The following PHF24 variants were observed in gnomAD, a reference collection of about 807,000 sequenced individuals.
The protein encoded by PHF24 is PHD finger protein 24.
A neutral mutation model predicts 42.6 loss-of-function variants in PHF24; 25 were observed. The observed-to-expected ratio is 0.59, with a 90% CI of 0.43 to 0.82. PHF24 has a LOEUF of 0.82. Ranked by LOEUF, PHF24 falls within the 40% of genes least tolerant of loss-of-function variation. The probability of loss-of-function intolerance (pLI) is 0.00; values close to 1 mark genes in which losing one functional copy is unlikely to be tolerated. For synonymous variants in PHF24, 185 were observed against 204.8 expected (o/e 0.90, Z 0.83); for missense variants, 470 against 538.1 (o/e 0.87, Z 1.25).
At chr9:34,863,617 T>A in the PHF24 span, among the ~76,000 whole-genome samples, 4,482 of 152,278 alleles carry the variant, frequency 0.029, 117 homozygotes, top group African/African-American at 0.06. Context: ...CAGATAGAGC[T>A]TAGATCACAA....
the PHF24 span, among the ~76,000 whole-genome samples, chr9:34,768,353 A>C: frequency 5.9e-5 from 9 of 152,326 alleles, no homozygotes; most frequent in African/African-American, 2.2e-4. Flanking sequence ...TCTTTTCTGG[A>C]AAGTTACAGC....
intron 1 of PHF24, among the ~76,000 whole-genome samples, chr9:34,971,000 C>T (rs1044111643): frequency 1.3e-5 from 2 of 152,072 alleles, no homozygotes; most frequent in Admixed American, 6.5e-5. Context: ...CCTGTGATCC[C>T]AGCTACTTAG....
chr9:34,728,020 A>T, the PHF24 span: 1 of 1,551,984 alleles, frequency 6.4e-7, no homozygotes, highest in Non-Finnish European at 8.7e-7. Flanking sequence ...GCAATAGATC[A>T]CCTTTTAATG....
the PHF24 span, among the ~76,000 whole-genome samples, chr9:34,825,103 C>G: frequency 4.0e-5 from 6 of 149,758 alleles, no homozygotes; most frequent in African/African-American, 1.5e-4. Context: ...GGAACCAGGA[C>G]CTGGTTCTTC....
rs1430718694 is a variant in PHF24, at chr9:34,966,684, T to G, written c.-4-4611T>G. Among the ~76,000 whole-genome samples the G allele has an allele frequency of 4.6e-5, 7 of 152,264 alleles. No homozygotes were observed. In the East Asian group the frequency reaches 1.4e-3, roughly 29 times the overall value. On this transcript the variant is annotated intron_variant, in intron 1 of 7. Transcript: ENST00000242315. ...TATTCAGTAATTTCCCTATTGAGGTTGTTTCCACCTTTTTTCTTTTTTAAG... is the reference window on the plus strand; with the variant it reads ...TATTCAGTAATTTCCCTATTGAGGTGGTTTCCACCTTTTTTCTTTTTTAAG...
the PHF24 span, among the ~76,000 whole-genome samples, chr9:34,826,254 T>C: frequency 9.7e-4 from 148 of 152,328 alleles, no homozygotes; most frequent in Non-Finnish European, 1.6e-3. Flanking sequence ...TTTGTGTCCC[T>C]AAGCACTTTA....
the PHF24 span, among the ~76,000 whole-genome samples, chr9:34,850,114 C>T: frequency 2.5e-3 from 374 of 152,242 alleles, 2 homozygotes; most frequent in African/African-American, 7.6e-3. Flanking sequence ...ATCTTTATCG[C>T]GTTCTCTGTA....
chr9:34,918,165 CAGG>C, the PHF24 span: 7 of 1,497,832 alleles, frequency 4.7e-6, no homozygotes, highest in Non-Finnish European at 6.5e-6. Flanking sequence ...GACTGTCGGC[CAGG>C]AGAAGAAGGG....
chr9:34,870,370 T>G, the PHF24 span, among the ~76,000 whole-genome samples: 1 of 152,156 alleles, frequency 6.6e-6, no homozygotes. Context: ...TAGTATCATG[T>G]AGAATAGTTT....
At chr9:34,931,587 A>T in the PHF24 span, among the ~76,000 whole-genome samples, 1 of 152,100 alleles carries the variant, frequency 6.6e-6, no homozygotes, top group African/African-American at 2.4e-5. Context: ...AACAAAAATA[A>T]AAAATAAATA....
At chr9:34,770,663 T>C in the PHF24 span, among the ~76,000 whole-genome samples, 1 of 151,750 alleles carries the variant, frequency 6.6e-6, no homozygotes, top group Non-Finnish European at 1.5e-5. Flanking sequence ...CAGAAAGATA[T>C]AGAAGAAAAG....
chr9:34,738,869 G>C, the PHF24 span, among the ~76,000 whole-genome samples: 1 of 152,196 alleles, frequency 6.6e-6, no homozygotes, highest in Non-Finnish European at 1.5e-5. Flanking sequence ...TTGTGGTCCT[G>C]AGGTGATGGG....
At chr9:34,667,376 A>G in the PHF24 span, among the ~76,000 whole-genome samples, 1 of 152,078 alleles carries the variant, frequency 6.6e-6, no homozygotes, top group African/African-American at 2.4e-5. Flanking sequence ...GAGAGCAGAC[A>G]GAGAGATCCA....
chr9:34,905,311 C>G, the PHF24 span, among the ~76,000 whole-genome samples: 78 of 152,300 alleles, frequency 5.1e-4, no homozygotes, highest in African/African-American at 1.7e-3. Context: ...ACAAGCACCC[C>G]CATTTCTCAT....
chr9:34,722,489 G>C, the PHF24 span, among the ~76,000 whole-genome samples: 15 of 152,244 alleles, frequency 9.9e-5, no homozygotes, highest in East Asian at 2.7e-3. Context: ...TTTATAATTT[G>C]ACTGGACAAT....
chr9:34,734,260 T>C, the PHF24 span, among the ~76,000 whole-genome samples: 1 of 152,142 alleles, frequency 6.6e-6, no homozygotes, highest in Admixed American at 6.5e-5. Context: ...AGAATCCAGA[T>C]AAAAGTTTTA....
chr9:34,968,882 G>A (rs990367357), intron 1 of PHF24, among the ~76,000 whole-genome samples: 6 of 152,236 alleles, frequency 3.9e-5, no homozygotes, highest in Middle Eastern at 3.2e-3. Context: ...TCATCCTATT[G>A]AATATGTAAT....
At chr9:34,671,442 C>G in the PHF24 span, among the ~76,000 whole-genome samples, 1 of 152,220 alleles carries the variant, frequency 6.6e-6, no homozygotes, top group African/African-American at 2.4e-5. Flanking sequence ...GGGCAGATGG[C>G]TTCATCTGCC....
At chr9:34,744,030 A>G in the PHF24 span, among the ~76,000 whole-genome samples, 1 of 152,162 alleles carries the variant, frequency 6.6e-6, no homozygotes, top group Admixed American at 6.5e-5. Flanking sequence ...TAATCCTTTC[A>G]TGAGGGCTCT....
Sources: allele counts gnomAD v4.1 joint callset (sites outside exome capture counted in the v4.1 genomes callset), GRCh38; gene constraint gnomAD v4.1.1; transcripts MANE v1.5; gene names NCBI Gene and HGNC (gene_info 2026-07-23, HGNC 2026-07-21).